Variants in TRABD2B observed in about 807,000 individuals in gnomAD.
TRABD2B encodes metalloprotease TIKI2.
In TRABD2B, 14 loss-of-function variants were observed where a neutral mutation model predicts 40.1. That is an observed-to-expected ratio of 0.35 (90% CI 0.23 to 0.55). The LOEUF (loss-of-function observed/expected upper bound fraction) is 0.55. TRABD2B is among the 20% of genes least tolerant of loss of function. The pLI, the probability that TRABD2B is intolerant of heterozygous loss-of-function variation, is 0.90. For synonymous variants in TRABD2B, 263 were observed against 277.0 expected (o/e 0.95, Z 0.50); for missense variants, 541 against 648.6 (o/e 0.83, Z 1.80).
At chr1:47,924,524 T>C (rs1644945902) in intron 2 of TRABD2B, among the ~76,000 whole-genome samples, 1 of 152,182 alleles carries the variant, frequency 6.6e-6, no homozygotes, top group Non-Finnish European at 1.5e-5. Flanking sequence ...AAGATGATCC[T>C]ATTAGCTGGA....
At chr1:47,957,027 C>T (rs548121618) in intron 2 of TRABD2B, among the ~76,000 whole-genome samples, 13 of 152,290 alleles carry the variant, frequency 8.5e-5, no homozygotes, top group Middle Eastern at 3.4e-3. Flanking sequence ...AAGGATCAGG[C>T]GGCAACATTT....
In TRABD2B at chr1:47,764,960, A is replaced by T. The variant is rs1424486173; in HGVS notation, c.*942T>A. The T allele has an allele frequency of 6.6e-6, 1 of 152,204 alleles. No individual in the cohort carries two copies. The highest frequency in any genetic ancestry group is 1.5e-5 in the Non-Finnish European group (1 of 68,040). 9.4% of individuals were successfully genotyped at this position (152,204 alleles called of 1,614,324 possible). ...ACGCTGCAGGCTTTGGAAAAATGGC[A>T]GCTCTCATTACTATTAACATCATGT... is the stretch of plus-strand genomic sequence containing the variant. On this transcript the variant is annotated 3_prime_UTR_variant, in exon 7 of 7. Transcript: ENST00000606738.
chr1:47,994,012 G>A lies in TRABD2B; in HGVS notation c.666+22C>T. ...CAGGTACCCAGGGCTGTCAGCTCCG[G>A]GCTGGGGCACTGCATGCCTACCTGG... is the stretch of plus-strand genomic sequence containing the variant. On this transcript the variant is annotated intron_variant, in intron 2 of 6. Coordinates refer to ENST00000606738, the MANE Select transcript of TRABD2B (RefSeq NM_001194986.2). This position sits in a 1 kb window ranked among gnomAD's most constrained non-coding sequence, Gnocchi z 6.7. 1 of 1,526,178 alleles carries A rather than the reference G, an allele frequency of 6.6e-7. No homozygotes were observed. 94.5% of individuals were successfully genotyped at this position (1,526,178 alleles called of 1,614,324 possible).
At chr1:47,880,916 C>T (rs1349381313) in intron 2 of TRABD2B, among the ~76,000 whole-genome samples, 2 of 152,162 alleles carry the variant, frequency 1.3e-5, no homozygotes. Flanking sequence ...TTGGGGGTCC[C>T]CTCGCAGCAG....
Position 47,775,077 on chromosome 1 carries a change from T to A in TRABD2B, c.1349+93A>T, listed in dbSNP as rs541903626. 4.7e-4 allele frequency: 552 copies of A among 1,180,612 alleles called. 1 individual carries two copies. The highest frequency in any genetic ancestry group is 5.6e-4 in the South Asian group (13 of 23,258). 73.1% of individuals were successfully genotyped at this position (1,180,612 alleles called of 1,614,324 possible). On this transcript the variant is annotated intron_variant, in intron 6 of 6. Transcript: ENST00000606738. Reference sequence around the variant, plus strand: ...ACACTTCCTTAGAGCAGGGCTGGCCTGACGACAGTGTGCCCAGCTGTGGGG... The same window carrying A: ...ACACTTCCTTAGAGCAGGGCTGGCCAGACGACAGTGTGCCCAGCTGTGGGG...
intron 2 of TRABD2B, among the ~76,000 whole-genome samples, chr1:47,874,718 C>T (rs1453246541): frequency 6.6e-6 from 1 of 151,690 alleles, no homozygotes; most frequent in African/African-American, 2.4e-5. Context: ...CCGACATGCA[C>T]CACCAGGCCT....
intron 2 of TRABD2B, among the ~76,000 whole-genome samples, chr1:47,901,403 G>C (rs1222676440): frequency 1.3e-5 from 2 of 152,216 alleles, no homozygotes; most frequent in African/African-American, 4.8e-5. Context: ...TGCTCAGGTG[G>C]GACCACAGGG....
intron 2 of TRABD2B, among the ~76,000 whole-genome samples, chr1:47,960,518 C>T (rs1040248116): frequency 1.7e-4 from 26 of 152,304 alleles, no homozygotes; most frequent in African/African-American, 6.0e-4. Flanking sequence ...TCAGCAAAGT[C>T]TCAGGATACA....
chr1:47,790,916 C>T lies in TRABD2B; in HGVS notation c.988+3670G>A, dbSNP rs139703356. 9.9e-5 allele frequency among the ~76,000 whole-genome samples: 15 copies of T among 152,268 alleles called. No homozygotes were observed. The East Asian group carries it at 2.9e-3, about 29-fold the overall frequency. On this transcript the variant is annotated intron_variant, in intron 4 of 6. Coordinates refer to ENST00000606738, the MANE Select transcript of TRABD2B (RefSeq NM_001194986.2). ...AATCCCATGAGGCAGATGTATTGTC[C>T]CAGTTTTACAGATGAGGGACTGAGG... is the stretch of plus-strand genomic sequence containing the variant.
intron 4 of TRABD2B, among the ~76,000 whole-genome samples, chr1:47,781,183 G>A (rs886724792): frequency 6.6e-6 from 1 of 152,184 alleles, no homozygotes; most frequent in Non-Finnish European, 1.5e-5. Flanking sequence ...CTCTCTGCAA[G>A]CGGCTCTTGG....
chr1:47,871,006 T>A (rs1644132900), intron 2 of TRABD2B, among the ~76,000 whole-genome samples: 1 of 152,188 alleles, frequency 6.6e-6, no homozygotes, highest in African/African-American at 2.4e-5. Flanking sequence ...AAAATAATCA[T>A]AATCAGGGTA....
chr1:47,976,757 G>C (rs1170994086), intron 2 of TRABD2B, among the ~76,000 whole-genome samples: 1 of 152,214 alleles, frequency 6.6e-6, no homozygotes, highest in Non-Finnish European at 1.5e-5. Flanking sequence ...TACATGAGCA[G>C]TACCTGGCAT....
chr1:47,889,560 AG>A (rs1644417745), intron 2 of TRABD2B, among the ~76,000 whole-genome samples: 1 of 152,232 alleles, frequency 6.6e-6, no homozygotes, highest in Non-Finnish European at 1.5e-5. Context: ...GCAAACTGTG[AG>A]GGCAGTGAGG....
intron 2 of TRABD2B, among the ~76,000 whole-genome samples, chr1:47,921,426 G>C (rs191989458): frequency 6.6e-6 from 1 of 152,262 alleles, no homozygotes; most frequent in Admixed American, 6.5e-5. Flanking sequence ...ACAACCATCA[G>C]ACTTCCAAAG....
chr1:47,798,002 C>T (rs1644771121), intron 3 of TRABD2B, among the ~76,000 whole-genome samples: 1 of 152,106 alleles, frequency 6.6e-6, no homozygotes, highest in Non-Finnish European at 1.5e-5. Flanking sequence ...CTCTGCACCC[C>T]TTCCCTGTAG....
Position 47,799,711 on chromosome 1 carries a change from C to T in TRABD2B, c.813+1762G>A, listed in dbSNP as rs559800608. Among the ~76,000 whole-genome samples, 6 of 152,300 alleles carry T rather than the reference C, an allele frequency of 3.9e-5. No homozygotes were observed. The South Asian group carries it at 1.2e-3, about 32-fold the overall frequency. On this transcript the variant is annotated intron_variant, in intron 3 of 6. Coordinates refer to ENST00000606738, the MANE Select transcript of TRABD2B (RefSeq NM_001194986.2). ...ATACTCTCAGCACCCCTCTCCGGCT[C>T]ACTGGTGCATGGTTTCCTCTGCTGG...
chr1:47,911,872 T>A (rs1177989637), intron 2 of TRABD2B, among the ~76,000 whole-genome samples: 1 of 152,228 alleles, frequency 6.6e-6, no homozygotes, highest in Non-Finnish European at 1.5e-5. Flanking sequence ...GGGACTTGTG[T>A]GACACGCAGG....
chr1:47,977,694 A>C (rs76976038), intron 2 of TRABD2B, among the ~76,000 whole-genome samples: 11 of 151,554 alleles, frequency 7.3e-5, no homozygotes, highest in East Asian at 1.9e-4. Context: ...AAAAAAAAAA[A>C]ACACACAGGA....
chr1:47,981,340 A>G (rs903177355), intron 2 of TRABD2B, among the ~76,000 whole-genome samples: 9 of 152,232 alleles, frequency 5.9e-5, no homozygotes, highest in South Asian at 2.1e-4. Flanking sequence ...TTAGATGCAG[A>G]TAAGTCAAGA....
Sources: gnomAD v4.1 joint callset for allele counts (sites outside exome capture counted in the v4.1 genomes callset) on GRCh38, gnomAD v4.1.1 for gene constraint, Gnocchi (gnomAD v3.1) non-coding constraint, MANE v1.5 for transcripts, NCBI Gene and HGNC (gene_info 2026-07-23, HGNC 2026-07-21) for gene names.